Variants in P2RX6 observed in about 807,000 individuals in gnomAD.
The protein encoded by P2RX6 is P2X purinoceptor 6.
In P2RX6, 62 loss-of-function variants were observed where a neutral mutation model predicts 54.2. That is an observed-to-expected ratio of 1.14 (90% CI 0.93 to 1.41). The LOEUF (loss-of-function observed/expected upper bound fraction) is 1.41, where lower values mean the gene tolerates loss of function less well. Ranked by LOEUF, P2RX6 falls within the 40% of genes most tolerant of loss-of-function variation. The pLI, the probability that P2RX6 is intolerant of heterozygous loss-of-function variation, is 0.00. For synonymous variants in P2RX6, 211 were observed against 231.9 expected, an observed-to-expected ratio of 0.91 and a Z score of 0.82; for missense variants, 541 against 566.3, an observed-to-expected ratio of 0.96 and a Z score of 0.45.
At chr22:21,015,593 A>T (rs1182886038) in intron 1 of P2RX6, among the ~76,000 whole-genome samples, 1 of 152,084 alleles carries the variant, frequency 6.6e-6, no homozygotes, top group African/African-American at 2.4e-5. Context: ...CACATGACAT[A>T]GTCCTTAACA....
Position 21,026,968 on chromosome 22 carries a change from C to T in P2RX6, c.*351C>T, listed in dbSNP as rs1035713130. 19 of 310,092 alleles carry T rather than the reference C, an allele frequency of 6.1e-5. No homozygotes were observed. Among genetic ancestry groups the T allele is most frequent in the Non-Finnish European group, 1.1e-4 (18 of 165,614 alleles). The allele number at this position is 310,092 out of a possible 1,614,324, so 19.2% of individuals were successfully genotyped here. Reference sequence around the variant, plus strand: ...GTGTTCCTAGCAGAGGTATGCTTACCAGCTGTCAGCACAGACCCTCCTGCT... The same window carrying T: ...GTGTTCCTAGCAGAGGTATGCTTACTAGCTGTCAGCACAGACCCTCCTGCT... On this transcript the variant is annotated 3_prime_UTR_variant, in exon 12 of 12. Transcript: ENST00000413302. This position sits in a 1 kb window ranked among gnomAD's most constrained non-coding sequence, Gnocchi z 4.0.
At chr22:21,011,633 A>T, upstream of P2RX6, 1 of 708,206 alleles carries the variant, frequency 1.4e-6, no homozygotes, top group South Asian at 1.5e-5. Flanking sequence ...ATGCAAAGCC[A>T]GGTACCACCC....
intron 8 of P2RX6, among the ~76,000 whole-genome samples, chr22:21,024,878 G>GTTTTTTTTTTTTT (rs562371289): frequency 2.7e-5 from 3 of 110,752 alleles, no homozygotes; most frequent in African/African-American, 7.0e-5. Flanking sequence ...TTTTTTTTGT[G>GTTTTTTTTTTTTT]TTTTTTTTTT....
intron 3 of P2RX6, 44 bp from the exon 4 acceptor site, chr22:21,022,632 G>C (rs1369305745): frequency 1.4e-6 from 2 of 1,386,848 alleles, no homozygotes; most frequent in Non-Finnish European, 1.9e-6. Flanking sequence ...GTGGAGGGGA[G>C]ACATCCCCTG....
chr22:21,026,945 G>A lies in P2RX6; in HGVS notation c.*328G>A, dbSNP rs752430646. ...TCTCTCCCAGTGCTCTGTCCCCAGTGTTCCTAGCAGAGGTATGCTTACCAG... is the reference window on the plus strand; with the variant it reads ...TCTCTCCCAGTGCTCTGTCCCCAGTATTCCTAGCAGAGGTATGCTTACCAG... On this transcript the variant is annotated 3_prime_UTR_variant, in exon 12 of 12. Transcript: ENST00000413302. The surrounding 1 kb of genome is among the most constrained non-coding windows in gnomAD (Gnocchi z 4.0). 30 of 389,970 alleles carry A rather than the reference G, an allele frequency of 7.7e-5. No homozygotes were observed. The highest frequency in any genetic ancestry group is 1.3e-4 in the Non-Finnish European group (28 of 213,390). 24.2% of individuals were successfully genotyped at this position (389,970 alleles called of 1,614,324 possible). A position where few individuals can be genotyped will look rare whatever the true frequency, so the allele number is the denominator to read the frequency against.
At chr22:21,012,385 C>T (rs11703635), upstream of P2RX6, 4 of 332,124 alleles carry the variant, frequency 1.2e-5, no homozygotes, top group Non-Finnish European at 1.2e-5. Context: ...CACATACCCC[C>T]TCCTGTGATG....
Position 21,026,422 on chromosome 22 carries a change from C to G in P2RX6, c.1131C>G (p.Ala377=), listed in dbSNP as rs753893351. Residue 377 remains alanine, a splice_region_variant and synonymous_variant, in exon 12 of 12, where the codon GCC becomes GCG. Transcript: ENST00000413302. The surrounding 1 kb of genome is among the most constrained non-coding windows in gnomAD (Gnocchi z 4.0). The stretch of plus-strand genomic sequence containing the variant: ...TGACCTGCTGTCCTCATCTGCAGGC[C>G]AAGGCCCCGAAAGCAACCGCCAACT... ...HFYWRTKYEE[A]KAPKATANSV... The G allele has an allele frequency of 1.3e-6, 2 of 1,598,746 alleles. No individual in the cohort carries two copies. Among genetic ancestry groups the G allele is most frequent in the East Asian group, 4.5e-5 (2 of 44,184 alleles).
Position 21,026,754 on chromosome 22 carries a change from T to A in P2RX6, c.*137T>A. On this transcript the variant is annotated 3_prime_UTR_variant, in exon 12 of 12. Coordinates refer to ENST00000413302, the MANE Select transcript of P2RX6 (RefSeq NM_005446.5). The surrounding 1 kb of genome is among the most constrained non-coding windows in gnomAD (Gnocchi z 4.0). Reference sequence around the variant, plus strand: ...CCCAGCAGACAGTCCCTCCCCTGACTCCCACCTTGGTAGGGTGCTGCCTCA... The same window carrying A: ...CCCAGCAGACAGTCCCTCCCCTGACACCCACCTTGGTAGGGTGCTGCCTCA... 7.0e-7 allele frequency: 1 copy of A among 1,436,998 alleles called. No homozygotes were observed. Among genetic ancestry groups the A allele is most frequent in the South Asian group, 1.5e-5 (1 of 67,754 alleles). The allele number at this position is 1,436,998 out of a possible 1,614,324, so 89.0% of individuals were successfully genotyped here.
At chr22:21,019,870 A>G (rs2148035648) in intron 3 of P2RX6, among the ~76,000 whole-genome samples, 1 of 152,384 alleles carries the variant, frequency 6.6e-6, no homozygotes, top group Non-Finnish European at 1.5e-5. Context: ...ATGTCCTTAA[A>G]TCACAGATCG....
upstream of P2RX6, chr22:21,013,650 A>G (rs753295848): frequency 1.3e-5 from 2 of 152,252 alleles, no homozygotes; most frequent in Non-Finnish European, 2.9e-5. Flanking sequence ...TCAGGCCTCT[A>G]CCTGTCTGAT....
chr22:21,023,133 C>T lies in P2RX6; in HGVS notation c.573C>T (p.Ala191=). ...SGVVPSRPLL[A]QAQNFTLFIK... is the part of the protein sequence containing the mutation. ...CCACCTGCAGGAGGCCCCTGCTGGC[C>T]CAGGCCCAGAACTTCACACTGTTCA... is the stretch of plus-strand genomic sequence containing the variant. Residue 191 remains alanine, a synonymous_variant, in exon 6 of 12, where the codon GCC becomes GCT. Coordinates refer to ENST00000413302, the MANE Select transcript of P2RX6 (RefSeq NM_005446.5). 1 of 1,613,938 alleles carries T rather than the reference C, an allele frequency of 6.2e-7. No individual in the cohort carries two copies. The highest frequency in any genetic ancestry group is 8.5e-7 in the Non-Finnish European group (1 of 1,179,846).
rs757416653 is a variant in P2RX6 at position 21,023,549 on chromosome 22, TGGACACC to T, written c.824_830del (p.Asp275GlyfsTer202). The T allele has an allele frequency of 5.0e-6, 8 of 1,613,828 alleles. No individual in the cohort carries two copies. Among genetic ancestry groups the T allele is most frequent in the Non-Finnish European group, 5.9e-6 (7 of 1,179,822 alleles). On this transcript the variant is annotated frameshift_variant, in exon 8 of 12. Transcript: ENST00000413302. LOFTEE classifies it high-confidence loss of function. ...ATCAGAGTTCACTGGGATTGTGACC[TGGACACC>T]GGGGACTCTGGCTGCTGGCCTCACT...
intron 3 of P2RX6, chr22:21,018,848 C>T (rs1926879795): frequency 6.6e-6 from 1 of 151,702 alleles, no homozygotes; most frequent in African/African-American, 2.4e-5. Context: ...GTCTCCATCT[C>T]CTGACCTCAT....
upstream of P2RX6, chr22:21,012,403 T>C (rs141170385): frequency 6.7e-4 from 240 of 358,940 alleles, 5 homozygotes; most frequent in East Asian, 0.013. Flanking sequence ...ATGAGGCCCC[T>C]CCTCTATCCA....
At chr22:21,017,770 C>G (rs1926653675) in intron 2 of P2RX6, among the ~76,000 whole-genome samples, 1 of 152,192 alleles carries the variant, frequency 6.6e-6, no homozygotes, top group African/African-American at 2.4e-5. Context: ...AGACAAGAGA[C>G]TTGTCTCAAG....
At chr22:21,011,380 T>C (rs1925727962), upstream of P2RX6, 2 of 634,504 alleles carry the variant, frequency 3.2e-6, no homozygotes, top group Non-Finnish European at 2.9e-6. Context: ...TGCGCAGGCA[T>C]TACCTGCTTG....
At chr22:21,012,687 C>T (rs973845325), upstream of P2RX6, 2 of 426,342 alleles carry the variant, frequency 4.7e-6, no homozygotes, top group Non-Finnish European at 8.9e-6. Context: ...ACACACTGGC[C>T]ACTATCCTGG....
At position 21,026,285 on chromosome 22, in the gene P2RX6, G is replaced by A. The variant is rs764614055; in HGVS notation, c.1084G>A (p.Val362Met). ...TTTCTGTGACCTGCTACTGCTGTAT[G>A]TGGATAGAGAAGCCCATTTCTACTG... ...TFFCDLLLLY[V>M]DREAHFYWRT... The change falls in exon 11 of 12, where the codon GTG (valine) becomes ATG (methionine). Residue 362 changes from valine to methionine, a missense_variant. Physicochemically the swap from Val to Met is conservative, Grantham distance 21. Around this residue, in one of 2 missense-constraint regions of P2RX6, gnomAD observed 526 missense variants for 531.5 expected, o/e 0.99. Coordinates refer to ENST00000413302, the MANE Select transcript of P2RX6 (RefSeq NM_005446.5). This position sits in a 1 kb window ranked among gnomAD's most constrained non-coding sequence, Gnocchi z 4.0. 5.6e-6 allele frequency: 9 copies of A among 1,606,748 alleles called. No homozygotes were observed. The African/African-American group carries it at 6.7e-5, about 12-fold the overall frequency.
chr22:21,018,093 C>T (rs771820833), intron 3 of P2RX6, 33 bp downstream of exon 3: 1 of 1,488,934 alleles, frequency 6.7e-7, no homozygotes, highest in Non-Finnish European at 9.3e-7. Flanking sequence ...CAGCGGGTCC[C>T]TTGTTCCTCC....
Sources: gnomAD v4.1 joint callset for allele counts (sites outside exome capture counted in the v4.1 genomes callset) on GRCh38, gnomAD v4.1.1 for gene constraint, gnomAD v4.1.1 regional missense constraint, Gnocchi (gnomAD v3.1) non-coding constraint, MANE v1.5 for transcripts, NCBI Gene and HGNC (gene_info 2026-07-23, HGNC 2026-07-21) for gene names.